The following KALRN variants were observed in gnomAD, a reference collection of about 807,000 sequenced individuals.
KALRN encodes kalirin.
In KALRN, 70 loss-of-function variants were observed where a neutral mutation model predicts 353.7. The observed-to-expected ratio is 0.20, with a 90% CI of 0.16 to 0.24. The LOEUF is 0.24. Ranked by LOEUF, KALRN falls within the 10% of genes least tolerant of loss-of-function variation. The pLI is 1.00. For missense variants in KALRN, 2,791 were observed against 3,756.7 expected, an observed-to-expected ratio of 0.74 and a Z score of 6.72; for synonymous variants, 1,391 against 1,434.8, an observed-to-expected ratio of 0.97 and a Z score of 0.69.
rs186100868 is a variant in KALRN at position 124,491,434 on chromosome 3, G to C, written c.4689+10G>C. 9 of 1,575,248 alleles carry C rather than the reference G, an allele frequency of 5.7e-6. No individual in the cohort carries two copies. The highest frequency in any genetic ancestry group is 3.4e-4 in the Middle Eastern group (2 of 5,934). On this transcript the variant is annotated intron_variant, in intron 31 of 59. Transcript: ENST00000682506. Reference sequence around the variant, plus strand: ...TAAAACAGTGCTGAAAGTAAGTACTGCTCTCTGCTAGGCACAAACTAGGGT... The same window carrying C: ...TAAAACAGTGCTGAAAGTAAGTACTCCTCTCTGCTAGGCACAAACTAGGGT...
chr3:124,519,962 G>C (rs907778044), intron 33 of KALRN: 1 of 799,662 alleles, frequency 1.3e-6, no homozygotes, highest in Non-Finnish European at 1.5e-6. Context: ...TCAAGCTGGG[G>C]ACAGATGCAA....
chr3:124,388,364 T>C (rs905026066), intron 11 of KALRN, among the ~76,000 whole-genome samples: 1 of 152,060 alleles, frequency 6.6e-6, no homozygotes, highest in Non-Finnish European at 1.5e-5. Context: ...TCTTCATGGG[T>C]GCTTCCAACT....
At chr3:124,668,043 GACACACACACACACACAC>G (rs55672121) in intron 47 of KALRN, among the ~76,000 whole-genome samples, 17,550 of 138,376 alleles carry the variant, frequency 0.13, 1,176 homozygotes, top group African/African-American at 0.17. Flanking sequence ...TGTATATCGA[GACACACACACACACACAC>G]ACACACACAC....
chr3:124,110,942 C>G (rs1473763846), intron 1 of KALRN, among the ~76,000 whole-genome samples: 1 of 152,182 alleles, frequency 6.6e-6, no homozygotes, highest in Non-Finnish European at 1.5e-5. Flanking sequence ...TGCTACTAAA[C>G]TAAATACTAT....
At chr3:124,120,380 CA>C (rs1398241968) in intron 1 of KALRN, among the ~76,000 whole-genome samples, 1 of 152,158 alleles carries the variant, frequency 6.6e-6, no homozygotes, top group Non-Finnish European at 1.5e-5. Flanking sequence ...TAAATCCCCA[CA>C]GATGAAATAT....
At position 124,660,832 on chromosome 3, in the gene KALRN, G is replaced by C. The variant is rs185822369; in HGVS notation, c.6217-91G>C. On this transcript the variant is annotated intron_variant, in intron 43 of 59. Coordinates refer to ENST00000682506, the MANE Select transcript of KALRN (RefSeq NM_001388419.1). ...TCTGCTGGGAAGGAAAGTCTCCAGG[G>C]TGTTATTGTATTTTTATGATAAGTT... 1,791 of 880,576 alleles carry C rather than the reference G, an allele frequency of 2.0e-3. 2 individuals carry two copies. The highest frequency in any genetic ancestry group is 3.0e-3 in the Non-Finnish European group (1,553 of 516,226). 54.5% of individuals were successfully genotyped at this position (880,576 alleles called of 1,614,324 possible).
At chr3:124,660,387 T>C (rs1219570487) in intron 43 of KALRN, among the ~76,000 whole-genome samples, 3 of 152,080 alleles carry the variant, frequency 2.0e-5, no homozygotes, top group Admixed American at 2.0e-4. Flanking sequence ...CTCCCATAGC[T>C]TTGAAATTTT....
intron 37 of KALRN, among the ~76,000 whole-genome samples, chr3:124,643,790 T>G (rs543107804): frequency 9.2e-5 from 14 of 152,348 alleles, no homozygotes; most frequent in Admixed American, 6.5e-5. Context: ...TACATATATT[T>G]TATTGTGTAT....
rs144958777 is a variant in KALRN, at chr3:124,489,302, A to G, written c.4396+987A>G. Among the ~76,000 whole-genome samples, 27 of 152,228 alleles carry G rather than the reference A, an allele frequency of 1.8e-4. No individual in the cohort carries two copies. The East Asian group carries it at 5.0e-3, about 28-fold the overall frequency. On this transcript the variant is annotated intron_variant, in intron 29 of 59. Coordinates refer to ENST00000682506, the MANE Select transcript of KALRN (RefSeq NM_001388419.1). ...AGCCTGGGCGATAGAGCAAGACTCC[A>G]TCTCAAAAAACAAAAACAAACAAAC...
chr3:124,404,557 T>C (rs1193252624), intron 13 of KALRN, among the ~76,000 whole-genome samples: 1 of 151,546 alleles, frequency 6.6e-6, no homozygotes, highest in East Asian at 1.9e-4. Flanking sequence ...TAAAAGCTCC[T>C]GGTTGTCATT....
chr3:124,137,740 T>C (rs2066101608), intron 1 of KALRN, among the ~76,000 whole-genome samples: 2 of 152,118 alleles, frequency 1.3e-5, no homozygotes, highest in African/African-American at 4.8e-5. Context: ...GAAAGCTCTC[T>C]CTCCTTTTAG....
At chr3:124,044,745 C>A (rs1444851036) in intron 1 of KALRN, among the ~76,000 whole-genome samples, 1 of 151,864 alleles carries the variant, frequency 6.6e-6, no homozygotes, top group South Asian at 2.1e-4. Context: ...TGACATATTA[C>A]ATGTACGACA....
At chr3:124,545,766 A>G (rs183064715) in intron 33 of KALRN, among the ~76,000 whole-genome samples, 1 of 152,218 alleles carries the variant, frequency 6.6e-6, no homozygotes, top group African/African-American at 2.4e-5. Flanking sequence ...CTGAGACTTT[A>G]TGATGCAGCC....
chr3:124,109,385 C>T (rs73186225), intron 1 of KALRN, among the ~76,000 whole-genome samples: 1,759 of 151,876 alleles, frequency 0.012, 22 homozygotes, highest in Non-Finnish European at 0.018. Context: ...AATGTGTTCA[C>T]TAACTTCTTA....
At chr3:124,227,935 G>A (rs183132941) in intron 1 of KALRN, 55 bp from the exon 2 acceptor site, 32 of 1,420,564 alleles carry the variant, frequency 2.3e-5, no homozygotes, top group African/African-American at 4.2e-5. Flanking sequence ...GGGACCTTGC[G>A]ATTCAGCCAG....
chr3:124,376,004 G>C (rs1197586672), intron 10 of KALRN, among the ~76,000 whole-genome samples: 1 of 152,090 alleles, frequency 6.6e-6, no homozygotes, highest in East Asian at 1.9e-4. Flanking sequence ...AAAATGTGGA[G>C]TTCTAAAAAT....
intron 33 of KALRN, among the ~76,000 whole-genome samples, chr3:124,542,395 C>T (rs1177710378): frequency 6.6e-6 from 1 of 152,144 alleles, no homozygotes; most frequent in Non-Finnish European, 1.5e-5. Context: ...AACACTTTGT[C>T]AACTATGAAG....
At chr3:124,374,950 G>A (rs12486057) in intron 10 of KALRN, among the ~76,000 whole-genome samples, 28,165 of 152,148 alleles carry the variant, frequency 0.19, 2,702 homozygotes, top group African/African-American at 0.23. Context: ...ATGCAAGAAT[G>A]AATTTCTGCC....
chr3:124,260,578 G>A (rs542007579), intron 3 of KALRN, among the ~76,000 whole-genome samples: 7 of 152,294 alleles, frequency 4.6e-5, no homozygotes, highest in Non-Finnish European at 8.8e-5. Flanking sequence ...GGCCCAGGAA[G>A]TAGGCTAAGG....
Sources: gnomAD v4.1 joint callset for allele counts (sites outside exome capture counted in the v4.1 genomes callset) on GRCh38, gnomAD v4.1.1 for gene constraint, MANE v1.5 for transcripts, NCBI Gene and HGNC (gene_info 2026-07-23, HGNC 2026-07-21) for gene names.